Variants in FARS2 observed in about 807,000 individuals in gnomAD.
FARS2 encodes the protein phenylalanine--tRNA ligase, mitochondrial.
Under a neutral mutation model 46.4 loss-of-function variants are expected in FARS2, and 40 were observed. The ratio of observed to expected loss-of-function variants is 0.86; its 90% CI spans 0.67 to 1.12. FARS2 has a LOEUF of 1.12. Ranked by LOEUF, FARS2 falls within the 50% of genes most tolerant of loss-of-function variation. The probability of loss-of-function intolerance (pLI) is 0.00; values close to 1 mark genes in which losing one functional copy is unlikely to be tolerated. For missense variants in FARS2, 513 were observed against 567.9 expected (o/e 0.90, Z 0.98); for synonymous variants, 234 against 214.9 (o/e 1.09, Z -0.78).
intron 5 of FARS2, among the ~76,000 whole-genome samples, chr6:5,601,897 T>C (rs1774541134): frequency 6.6e-6 from 1 of 152,186 alleles, no homozygotes. Flanking sequence ...AGCTGCAAAG[T>C]GGTCCTTTAA....
At chr6:5,428,301 AT>A (rs201029054) in intron 3 of FARS2, among the ~76,000 whole-genome samples, 1 of 152,152 alleles carries the variant, frequency 6.6e-6, no homozygotes, top group African/African-American at 2.4e-5. Flanking sequence ...ATCCAAAATG[AT>A]TTTTTTAACA....
chr6:5,383,367 C>T (rs548622538), intron 2 of FARS2, among the ~76,000 whole-genome samples: 1 of 152,216 alleles, frequency 6.6e-6, no homozygotes, highest in Non-Finnish European at 1.5e-5. Context: ...TTTGGAGCCC[C>T]TCCATGGCCT....
At chr6:5,263,242 T>G (rs2753249) in intron 1 of FARS2, among the ~76,000 whole-genome samples, 55,553 of 152,104 alleles carry the variant, frequency 0.37, 12,506 homozygotes, top group African/African-American at 0.64. Context: ...GTATCTAAAT[T>G]ACTCAACTTT....
intron 1 of FARS2, among the ~76,000 whole-genome samples, chr6:5,284,519 G>A (rs1766977115): frequency 6.6e-6 from 1 of 152,010 alleles, no homozygotes; most frequent in Non-Finnish European, 1.5e-5. Context: ...CATGGCTTCT[G>A]GGTTCTGTTT....
At chr6:5,336,958 CAA>C (rs1350680276) in intron 1 of FARS2, among the ~76,000 whole-genome samples, 1 of 151,926 alleles carries the variant, frequency 6.6e-6, no homozygotes, top group Non-Finnish European at 1.5e-5. Flanking sequence ...ATTCCTCACA[CAA>C]AATCAGTTAA....
At position 5,477,334 on chromosome 6, in the gene FARS2, C is replaced by T. The variant is rs532905570; in HGVS notation, c.904+46162C>T. 6.6e-5 allele frequency among the ~76,000 whole-genome samples: 10 copies of T among 152,302 alleles called. No individual in the cohort carries two copies. The East Asian group carries it at 1.9e-3, about 29-fold the overall frequency. The stretch of plus-strand genomic sequence containing the variant: ...TCACAACAGACCTCCTTCAGGTATT[C>T]CCTATCTCATTACCCTAGCTTATTG... On this transcript the variant is annotated intron_variant, in intron 4 of 6. Coordinates refer to ENST00000274680, the MANE Select transcript of FARS2 (RefSeq NM_006567.5).
At position 5,493,354 on chromosome 6, in the gene FARS2, A is replaced by G. The variant is rs567614199; in HGVS notation, c.905-51826A>G. On this transcript the variant is annotated intron_variant, in intron 4 of 6. Transcript: ENST00000274680. ...CTTAGAATTTAACATTCTAGAAGGT[A>G]GGGATCACATGTCTCTTAGTACAGT... 3.9e-5 allele frequency among the ~76,000 whole-genome samples: 6 copies of G among 152,316 alleles called. No homozygotes were observed. In the South Asian group the frequency reaches 1.2e-3, roughly 32 times the overall value.
chr6:5,338,493 C>T (rs753001605), intron 1 of FARS2, among the ~76,000 whole-genome samples: 2 of 152,156 alleles, frequency 1.3e-5, no homozygotes, highest in South Asian at 2.1e-4. Flanking sequence ...TCATATGGAA[C>T]GTGGCCTTGT....
intron 4 of FARS2, among the ~76,000 whole-genome samples, chr6:5,537,341 A>G (rs1770268011): frequency 6.6e-6 from 1 of 152,226 alleles, no homozygotes; most frequent in African/African-American, 2.4e-5. Context: ...AATAACATTT[A>G]TTTTTAGTCT....
chr6:5,381,388 CACACACACACACACACAT>C (rs1300924207), intron 2 of FARS2, among the ~76,000 whole-genome samples: 129 of 129,152 alleles, frequency 1.0e-3, no homozygotes, highest in Middle Eastern at 4.0e-3. Flanking sequence ...CACACACACA[CACACACACACACACACAT>C]ACACACACAC....
chr6:5,563,090 G>T (rs1227014003), intron 5 of FARS2, among the ~76,000 whole-genome samples: 1 of 152,022 alleles, frequency 6.6e-6, no homozygotes, highest in African/African-American at 2.4e-5. Flanking sequence ...ACAGAGGGAG[G>T]GGGGCTCCAA....
chr6:5,356,572 G>A (rs887877211), intron 1 of FARS2, among the ~76,000 whole-genome samples: 11 of 152,136 alleles, frequency 7.2e-5, no homozygotes, highest in Non-Finnish European at 1.5e-4. Flanking sequence ...GAGAAAACAT[G>A]TATGTTAAGA....
At chr6:5,544,232 C>T (rs974765895) in intron 4 of FARS2, among the ~76,000 whole-genome samples, 30 of 152,302 alleles carry the variant, frequency 2.0e-4, no homozygotes, top group African/African-American at 7.0e-4. Context: ...TCTCTCCAAT[C>T]GGCCAAGATG....
At chr6:5,479,643 A>C (rs1329985225) in intron 4 of FARS2, among the ~76,000 whole-genome samples, 5 of 152,256 alleles carry the variant, frequency 3.3e-5, no homozygotes, top group Non-Finnish European at 7.3e-5. Flanking sequence ...GTTACAGCTC[A>C]AATCTCTGCA....
At chr6:5,366,128 A>G (rs1209831178) in intron 1 of FARS2, among the ~76,000 whole-genome samples, 1 of 152,186 alleles carries the variant, frequency 6.6e-6, no homozygotes, top group Non-Finnish European at 1.5e-5. Flanking sequence ...AGGGTCAGCT[A>G]TATTTGAATT....
intron 5 of FARS2, among the ~76,000 whole-genome samples, chr6:5,595,306 TA>T (rs1774137017): frequency 6.6e-6 from 1 of 152,180 alleles, no homozygotes; most frequent in Admixed American, 6.5e-5. Flanking sequence ...GTCTACCCCT[TA>T]ATCCTTTGAT....
At chr6:5,697,813 C>T (rs1015460915) in intron 6 of FARS2, among the ~76,000 whole-genome samples, 1 of 152,100 alleles carries the variant, frequency 6.6e-6, no homozygotes, top group Non-Finnish European at 1.5e-5. Context: ...TGTGAACTCT[C>T]CTTGGTTGGG....
At chr6:5,320,528 G>A (rs192745370) in intron 1 of FARS2, among the ~76,000 whole-genome samples, 1 of 152,208 alleles carries the variant, frequency 6.6e-6, no homozygotes, top group Non-Finnish European at 1.5e-5. Flanking sequence ...ACCACTTAAG[G>A]TGGTACTGTG....
Position 5,771,418 on chromosome 6 carries a change from G to A in FARS2, c.1345G>A (p.Gly449Ser), listed in dbSNP as rs535897485. 3 of 1,613,878 alleles carry A rather than the reference G, an allele frequency of 1.9e-6. No individual in the cohort carries two copies. The African/African-American group carries it at 4.0e-5, about 22-fold the overall frequency. The change falls in exon 7 of 7, where the codon GGC becomes AGC. Residue 449 changes from glycine to serine, a missense_variant. Transcript: ENST00000274680. ...TGCAGTCCAGCTGTTGGGTGTGGAG[G>A]GCAGGTTCTGATGTCACCACTTCAC... is the stretch of plus-strand genomic sequence containing the variant. ...EAAVQLLGVE[G>S]RF is the part of the protein sequence containing the mutation.
Sources: allele counts gnomAD v4.1 joint callset (sites outside exome capture counted in the v4.1 genomes callset), GRCh38; gene constraint gnomAD v4.1.1; transcripts MANE v1.5; gene names NCBI Gene and HGNC (gene_info 2026-07-23, HGNC 2026-07-21).